The following MYL5 variants were observed in gnomAD, a reference collection of about 807,000 sequenced individuals.
MYL5 encodes the protein myosin regulatory light chain 5.
A neutral mutation model predicts 20.8 loss-of-function variants in MYL5; 28 were observed. The observed-to-expected ratio is 1.35, with a 90% CI of 1.00 to 1.84. The LOEUF is 1.84. Among genes scored for constraint, MYL5 ranks in the 40% most tolerant of loss-of-function variants. The pLI is 0.00. For missense variants in MYL5, 274 were observed against 227.3 expected (o/e 1.21, Z -1.32); for synonymous variants, 118 against 87.4 (o/e 1.35, Z -1.95).
intron 1 of MYL5, chr4:678,388 G>T (rs28655411): frequency 1.4e-6 from 2 of 1,412,828 alleles, no homozygotes; most frequent in Admixed American, 2.9e-5. Context: ...CCTGCTGGAC[G>T]GCGATCCCTG....
intron 6 of MYL5, 111 bp from the exon 9 acceptor site, chr4:681,782 C>T (rs1325992888): frequency 2.4e-6 from 3 of 1,228,900 alleles, no homozygotes; most frequent in South Asian, 8.3e-5. Context: ...CACCCGGGCC[C>T]CTCCCCGCTC....
intron 1 of MYL5, chr4:678,450 T>C: frequency 7.0e-7 from 1 of 1,427,996 alleles, no homozygotes; most frequent in African/African-American, 1.4e-5. Flanking sequence ...CCCCAGTCCC[T>C]GTGCTGAAGC....
At chr4:678,387 C>T (rs1216872719) in intron 1 of MYL5, 48 of 1,414,494 alleles carry the variant, frequency 3.4e-5, no homozygotes, top group Admixed American at 1.5e-4. Context: ...TCCTGCTGGA[C>T]GGCGATCCCT....
In MYL5 at chr4:679,042, C is replaced by T. The variant is rs780790656; in HGVS notation, c.187+9C>T. 3.1e-6 allele frequency: 5 copies of T among 1,612,446 alleles called. No individual in the cohort carries two copies. The South Asian group carries it at 5.5e-5, about 18-fold the overall frequency. ...CACCTATGCCTCCCTGGGTAGGTAC[C>T]CAGGCAGAACGCCTCAGAGCCCTTG... On this transcript the variant is annotated intron_variant, in intron 3 of 6. Transcript: ENST00000400159.
At chr4:678,117 G>T in intron 1 of MYL5, 88 bp downstream of exon 3, 9 of 1,579,538 alleles carry the variant, frequency 5.7e-6, no homozygotes, top group Non-Finnish European at 7.7e-6. Context: ...GAGCGTGGGC[G>T]TGTCCGTGCT....
upstream of MYL5, among the ~76,000 whole-genome samples, chr4:677,674 A>C (rs1738983408): frequency 6.6e-6 from 1 of 152,174 alleles, no homozygotes; most frequent in Non-Finnish European, 1.5e-5. Context: ...CTGCAGTTCC[A>C]GGGTGCCCAG....
intron 3 of MYL5, 94 bp downstream of exon 5, chr4:679,127 C>A: frequency 2.0e-6 from 2 of 984,700 alleles, no homozygotes; most frequent in East Asian, 3.8e-5. Context: ...TCGAATGGAG[C>A]CAGGGCCCGC....
At position 678,031 on chromosome 4, in the gene MYL5, T is replaced by C. The variant is rs1280644868; in HGVS notation, c.3+2T>C. On this transcript the variant is annotated splice_donor_variant, in intron 1 of 6. Transcript: ENST00000400159. LOFTEE classifies it high-confidence loss of function. ...TCAAAGCAGGCAGAAGCAGGCATGGTGAGCAGGCCGCCGTGCATGCCTGGG... is the reference window on the plus strand; with the variant it reads ...TCAAAGCAGGCAGAAGCAGGCATGGCGAGCAGGCCGCCGTGCATGCCTGGG... 16 of 1,613,286 alleles carry C rather than the reference T, an allele frequency of 9.9e-6. No individual in the cohort carries two copies. Among genetic ancestry groups the C allele is most frequent in the Non-Finnish European group, 1.3e-5 (15 of 1,179,914 alleles).
rs112581443 is a variant in MYL5, at chr4:680,848, C to T, written c.372-244C>T. 3.5e-4 allele frequency: 225 copies of T among 635,300 alleles called. 1 individual carries two copies. Among genetic ancestry groups the T allele is most frequent in the African/African-American group, 2.7e-3 (149 of 54,508 alleles). The allele number at this position is 635,300 out of a possible 1,614,324, so 39.4% of individuals were successfully genotyped here. ...TCCATCTTCAGCTCCTGCTAGGCGC[C>T]GGGGAAAGTACCAGGCGCTGGCCTG... is the stretch of plus-strand genomic sequence containing the variant. On this transcript the variant is annotated intron_variant, in intron 5 of 6. Coordinates refer to ENST00000400159, the Ensembl canonical transcript of MYL5.
At chr4:678,999 C>T (rs762758004) in exon 3 of MYL5, 2 of 1,613,806 alleles carry the variant, frequency 1.2e-6, no homozygotes, top group South Asian at 1.1e-5. Context: ...GCTTCATTGA[C>T]AAGGAGGACC....
At chr4:681,737 G>A (rs1313520042) in intron 6 of MYL5, 156 bp from the exon 9 acceptor site, 11 of 679,702 alleles carry the variant, frequency 1.6e-5, no homozygotes, top group African/African-American at 1.1e-4. Flanking sequence ...CCCCTCCAGC[G>A]CCGCCCCGCC....
chr4:680,881 C>G, intron 5 of MYL5: 1 of 654,622 alleles, frequency 1.5e-6, no homozygotes. Flanking sequence ...CTGTAACCTC[C>G]TTCCGGCTCT....
At chr4:676,262 C>T (rs1204744118), upstream of MYL5, 1 of 152,348 alleles carries the variant, frequency 6.6e-6, no homozygotes, top group African/African-American at 2.4e-5. Context: ...GACTCCTCAG[C>T]AACTCCTGCT....
chr4:681,926 G>A (rs1445491494), exon 7 of MYL5: 1 of 1,320,916 alleles, frequency 7.6e-7, no homozygotes. Flanking sequence ...CTCCATCGAT[G>A]TGGCGGGCAA....
chr4:677,040 G>A (rs550420208), upstream of MYL5: 109 of 525,886 alleles, frequency 2.1e-4, no homozygotes, highest in African/African-American at 1.3e-3. Context: ...ACACGGTGGC[G>A]CCCCCAGGGA....
chr4:677,517 G>A (rs1738966604), upstream of MYL5, among the ~76,000 whole-genome samples: 1 of 152,224 alleles, frequency 6.6e-6, no homozygotes, highest in Admixed American at 6.5e-5. Context: ...CAGGGCCAAG[G>A]CTATGGACTG....
At chr4:678,902 G>A (rs1407856143) in intron 2 of MYL5, 56 bp from the exon 5 acceptor site, 1 of 1,610,334 alleles carries the variant, frequency 6.2e-7, no homozygotes. Context: ...GGGAGCAGGG[G>A]GCGGGGCAGA....
rs1194496887 is a variant in MYL5, at chr4:680,926, CCT to C, written c.372-165_372-164del. Reference sequence around the variant, plus strand: ...AGCGGCTCCCCCAGAAGTGATGGCCCCTGAGTGTGTGTTGGGAAGGGACCTGC... The same window carrying C: ...AGCGGCTCCCCCAGAAGTGATGGCCCGAGTGTGTGTTGGGAAGGGACCTGC... On this transcript the variant is annotated intron_variant, in intron 5 of 6. Transcript: ENST00000400159. 9.5e-5 allele frequency: 73 copies of C among 772,240 alleles called. No homozygotes were observed. In the East Asian group the frequency reaches 1.9e-3, roughly 20 times the overall value. The allele number at this position is 772,240 out of a possible 1,614,324, so 47.8% of individuals were successfully genotyped here.
At position 678,692 on chromosome 4, in the gene MYL5, C is replaced by A. The variant is rs1412810941; in HGVS notation, c.38C>A (p.Ala13Asp). 7 of 1,611,372 alleles carry A rather than the reference C, an allele frequency of 4.3e-6. 1 individual carries two copies. In the South Asian group the frequency reaches 5.5e-5, roughly 13 times the overall value. ...AAGACCAAGAAGAAGGAAGGGGGTGCCCTCCGGGCCCAGAGAGCCTCATCC... is the reference window on the plus strand; with the variant it reads ...AAGACCAAGAAGAAGGAAGGGGGTGACCTCCGGGCCCAGAGAGCCTCATCC... Residue 13 changes from alanine (A) to aspartate (D), a missense_variant, in exon 2 of 7, where the codon GCC becomes GAC. By Grantham distance (126) the Ala-to-Asp change is moderately radical. Transcript: ENST00000400159.
Sources: gnomAD v4.1 joint callset for allele counts (sites outside exome capture counted in the v4.1 genomes callset) on GRCh38, gnomAD v4.1.1 for gene constraint, MANE v1.5 for transcripts, NCBI Gene and HGNC (gene_info 2026-07-23, HGNC 2026-07-21) for gene names.